Variants in KPNA2 observed in about 807,000 individuals in gnomAD.
KPNA2 encodes karyopherin subunit alpha 2.
A neutral mutation model predicts 53.7 loss-of-function variants in KPNA2; 20 were observed. That is an observed-to-expected ratio of 0.37 (90% CI 0.26 to 0.54). The LOEUF (loss-of-function observed/expected upper bound fraction) is 0.54. Among genes scored for constraint, KPNA2 ranks in the 20% least tolerant of loss-of-function variants. The probability of loss-of-function intolerance (pLI) is 0.83; values close to 1 mark genes in which losing one functional copy is unlikely to be tolerated. For missense variants in KPNA2, 515 were observed against 640.3 expected (o/e 0.80, Z 2.11); for synonymous variants, 238 against 227.5 (o/e 1.05, Z -0.42).
chr17:68,046,071 T>C (rs782545559), intron 10 of KPNA2, 150 bp downstream of exon 10: 6 of 510,402 alleles, frequency 1.2e-5, no homozygotes, highest in African/African-American at 2.0e-5. Flanking sequence ...TATTTGCCCC[T>C]CTAGTTTGGC....
chr17:68,043,729 A>G, intron 7 of KPNA2, 109 bp from the exon 8 acceptor site: 1 of 701,510 alleles, frequency 1.4e-6, no homozygotes, highest in South Asian at 1.7e-5. Flanking sequence ...ATATTGAAAT[A>G]TTGCCTATTT....
At chr17:68,038,344 G>T (rs2071215450) in intron 3 of KPNA2, among the ~76,000 whole-genome samples, 1 of 152,142 alleles carries the variant, frequency 6.6e-6, no homozygotes, top group Non-Finnish European at 1.5e-5. Context: ...ATGACCTCGT[G>T]ATATGCCTGC....
At chr17:68,040,789 T>A in intron 4 of KPNA2, 23 bp downstream of exon 4, 1 of 1,462,164 alleles carries the variant, frequency 6.8e-7, no homozygotes, top group Non-Finnish European at 9.4e-7. Context: ...TGCGATAGCA[T>A]GGGTAGCCTA....
intron 1 of KPNA2, 120 bp from the exon 2 acceptor site, chr17:68,036,989 TC>T (rs1454204896): frequency 8.4e-6 from 6 of 715,276 alleles, no homozygotes; most frequent in Middle Eastern, 3.9e-4. Context: ...AACATGATGA[TC>T]CCCCCTCTAG....
rs143709872 is a variant in KPNA2, at chr17:68,037,580, A to G, written c.213+85A>G. The G allele has an allele frequency of 6.6e-4, 861 of 1,306,106 alleles. 5 individuals carry two copies. Among genetic ancestry groups the G allele is most frequent in the Admixed American group, 4.6e-3 (223 of 47,992 alleles). The allele number at this position is 1,306,106 out of a possible 1,614,324, so 80.9% of individuals were successfully genotyped here. Reference sequence around the variant, plus strand: ...TCTTAGAAATTCAAGTAAACTTAACATTTCTAGTCTTAACGGTTTTAACTA... The same window carrying G: ...TCTTAGAAATTCAAGTAAACTTAACGTTTCTAGTCTTAACGGTTTTAACTA... On this transcript the variant is annotated intron_variant, in intron 3 of 10. Coordinates refer to ENST00000330459, the MANE Select transcript of KPNA2 (RefSeq NM_002266.4).
chr17:68,042,121 C>A lies in KPNA2; in HGVS notation c.339C>A (p.Asp113Glu). Reference protein sequence around the residue: ...LLSREKQPPIDNIIRAGLIPK... With the variant: ...LLSREKQPPIENIIRAGLIPK... ...CCAGAGAAAAACAGCCCCCCATAGA[C>A]AACATAATCCGGGCTGGTTTGATTC... Residue 113 changes from aspartate to glutamate, a missense_variant, in exon 5 of 11, where the codon GAC becomes GAA. Transcript: ENST00000330459. The A allele has an allele frequency of 6.2e-7, 1 of 1,613,932 alleles. No individual in the cohort carries two copies. Among genetic ancestry groups the A allele is most frequent in the Middle Eastern group, 1.7e-4 (1 of 6,056 alleles).
chr17:68,040,990 C>T (rs1483867701), intron 4 of KPNA2, among the ~76,000 whole-genome samples: 1 of 152,220 alleles, frequency 6.6e-6, no homozygotes, highest in Non-Finnish European at 1.5e-5. Context: ...AGTCCTCTGA[C>T]CTCAGCCTCC....
chr17:68,041,650 C>T (rs2144214426), intron 4 of KPNA2, among the ~76,000 whole-genome samples: 1 of 152,242 alleles, frequency 6.6e-6, no homozygotes, highest in East Asian at 1.9e-4. Context: ...CACTTGAGCC[C>T]AGGAGGTCGA....
intron 2 of KPNA2, 71 bp from the exon 3 acceptor site, chr17:68,037,285 TAA>T: frequency 7.0e-7 from 1 of 1,431,738 alleles, no homozygotes; most frequent in Non-Finnish European, 9.5e-7. Context: ...CTGAGGTATT[TAA>T]AAAAAAAATG....
At chr17:68,040,641 C>A in intron 3 of KPNA2, 37 bp from the exon 4 acceptor site, 1 of 1,362,222 alleles carries the variant, frequency 7.3e-7, no homozygotes, top group Non-Finnish European at 1.0e-6. Flanking sequence ...TGTATTTAAT[C>A]TTAATGATAA....
chr17:68,039,910 TAA>T (rs1197852079), intron 3 of KPNA2, among the ~76,000 whole-genome samples: 1 of 143,638 alleles, frequency 7.0e-6, no homozygotes, highest in Non-Finnish European at 1.5e-5. Flanking sequence ...CCGTCTCTAC[TAA>T]AAATACAAAA....
At chr17:68,037,544 G>T (rs1284958006) in intron 3 of KPNA2, 49 bp downstream of exon 3, 9 of 1,556,814 alleles carry the variant, frequency 5.8e-6, no homozygotes, top group Non-Finnish European at 7.9e-6. Flanking sequence ...CAGAAAATCA[G>T]TAGGGACTTT....
Position 68,042,106 on chromosome 17 carries a change from A to G in KPNA2, c.324A>G (p.Lys108=). ...QAARKLLSRE[K]QPPIDNIIRA... is the part of the protein sequence containing the mutation. ...TTAGGAAACTACTTTCCAGAGAAAA[A>G]CAGCCCCCCATAGACAACATAATCC... The change falls in exon 5 of 11, where the codon AAA becomes AAG. Residue 108 remains lysine (K), a synonymous_variant. Transcript: ENST00000330459. 1 of 1,613,232 alleles carries G rather than the reference A, an allele frequency of 6.2e-7. No homozygotes were observed. Among genetic ancestry groups the G allele is most frequent in the Non-Finnish European group, 8.5e-7 (1 of 1,179,288 alleles).
rs1405446629 is a variant in KPNA2 at position 68,043,013 on chromosome 17, A to G, written c.666+14A>G. On this transcript the variant is annotated intron_variant, in intron 6 of 10. Transcript: ENST00000330459. ...TCATCTTTAGCAGTAAGTTACTAAC[A>G]TGAGTAAAGTTACTCACTTCTTCAT... 11 of 1,608,986 alleles carry G rather than the reference A, an allele frequency of 6.8e-6. No individual in the cohort carries two copies. Among genetic ancestry groups the G allele is most frequent in the African/African-American group, 1.3e-5 (1 of 74,744 alleles).
Position 68,046,671 on chromosome 17 carries a change from C to G in KPNA2, c.*75C>G. The G allele has an allele frequency of 2.1e-6, 2 of 932,228 alleles. No homozygotes were observed. Among genetic ancestry groups the G allele is most frequent in the Non-Finnish European group, 3.5e-6 (2 of 578,558 alleles). The allele number at this position is 932,228 out of a possible 1,614,324, so 57.7% of individuals were successfully genotyped here. On this transcript the variant is annotated 3_prime_UTR_variant, in exon 11 of 11. Transcript: ENST00000330459. ...TCTTATTGTTTCTCTACTAAGAACT[C>G]TTTCTTAAATGTGGTTTGTTACTGT...
intron 4 of KPNA2, among the ~76,000 whole-genome samples, chr17:68,041,602 TGTC>T (rs1402079898): frequency 2.0e-5 from 3 of 152,048 alleles, no homozygotes; most frequent in African/African-American, 4.8e-5. Context: ...GGTGCACACT[TGTC>T]GTCCCAGCTA....
intron 4 of KPNA2, 52 bp downstream of exon 4, chr17:68,040,818 A>T (rs1568276026): frequency 1.3e-5 from 12 of 919,128 alleles, no homozygotes; most frequent in Non-Finnish European, 1.8e-5. Flanking sequence ...GTGTTTTTAG[A>T]TTTTTTTTTG....
chr17:68,046,351 ACCCT>A (rs1290577467), intron 10 of KPNA2, among the ~76,000 whole-genome samples, 149 bp from the exon 11 acceptor site: 2 of 152,110 alleles, frequency 1.3e-5, no homozygotes, highest in African/African-American at 4.8e-5. Flanking sequence ...AGTTTCAGAG[ACCCT>A]CCCTCCTCTA....
rs1064414 is a variant in KPNA2 at position 68,045,876 on chromosome 17, G to A, written c.1452G>A (p.Val484=). Residue 484 remains valine (V), a synonymous_variant, in exon 10 of 11, where the codon GTG becomes GTA. Coordinates refer to ENST00000330459, the MANE Select transcript of KPNA2 (RefSeq NM_002266.4). ...EALQNHENES[V]YKASLSLIEK... is the part of the protein sequence containing the mutation. ...TACAAAACCATGAAAATGAGTCTGT[G>A]TATAAGGCTTCGTTAAGCTTAATTG... 4 of 1,603,268 alleles carry A rather than the reference G, an allele frequency of 2.5e-6. No individual in the cohort carries two copies. The highest frequency in any genetic ancestry group is 4.5e-5 in the East Asian group (2 of 44,748).
Sources: allele counts gnomAD v4.1 joint callset (sites outside exome capture counted in the v4.1 genomes callset), GRCh38; gene constraint gnomAD v4.1.1; transcripts MANE v1.5; gene names NCBI Gene and HGNC (gene_info 2026-07-23, HGNC 2026-07-21).